Variants in OR1F1 observed in about 807,000 individuals in gnomAD.
OR1F1 encodes the protein olfactory receptor family 1 subfamily F member 1.
For missense variants in OR1F1, 493 were observed against 376.3 expected, an observed-to-expected ratio of 1.31 and a Z score of -2.57; for synonymous variants, 184 against 156.7, an observed-to-expected ratio of 1.17 and a Z score of -1.30.
At chr16:3,198,576 G>A in the OR1F1 span, among the ~76,000 whole-genome samples, 2 of 152,168 alleles carry the variant, frequency 1.3e-5, no homozygotes, top group African/African-American at 4.8e-5. Flanking sequence ...CCTGATGGTG[G>A]CAGCTGGCAG....
At chr16:3,194,705 A>G in the OR1F1 span, among the ~76,000 whole-genome samples, 1 of 152,196 alleles carries the variant, frequency 6.6e-6, no homozygotes, top group South Asian at 2.1e-4. Flanking sequence ...CAGGAACAGG[A>G]GAAAACAGAG....
At chr16:3,204,281 T>C (rs1414790759) in exon 1 of OR1F1, 2 of 1,612,384 alleles carry the variant, frequency 1.2e-6, no homozygotes, top group African/African-American at 2.7e-5. Context: ...GTCTCCGAGT[T>C]CCTCCTCCTG....
the OR1F1 span, among the ~76,000 whole-genome samples, chr16:3,194,997 G>A: frequency 6.6e-6 from 1 of 152,188 alleles, no homozygotes; most frequent in Admixed American, 6.5e-5. Context: ...AGGATTTGGG[G>A]TCCAGCAAGT....
the OR1F1 span, among the ~76,000 whole-genome samples, chr16:3,193,721 C>G: frequency 6.6e-6 from 1 of 152,128 alleles, no homozygotes; most frequent in African/African-American, 2.4e-5. Context: ...CCTCAGCCTC[C>G]CAAGTAGATG....
At chr16:3,204,736 G>A in exon 1 of OR1F1, 1 of 1,614,004 alleles carries the variant, frequency 6.2e-7, no homozygotes, top group Non-Finnish European at 8.5e-7. Flanking sequence ...CCTGCTGATG[G>A]CTCCACTCTC....
chr16:3,189,295 G>A, the OR1F1 span, among the ~76,000 whole-genome samples: 39 of 152,244 alleles, frequency 2.6e-4, 1 homozygote, highest in South Asian at 8.3e-4. Context: ...CAGCGCAGCC[G>A]CTGCCTGCTA....
chr16:3,193,347 C>T, the OR1F1 span, among the ~76,000 whole-genome samples: 2 of 152,354 alleles, frequency 1.3e-5, no homozygotes, highest in African/African-American at 2.4e-5. Flanking sequence ...AGCCCGAGAC[C>T]CTCCGTTGCT....
exon 1 of OR1F1, chr16:3,204,661 C>A (rs755748017): frequency 3.7e-6 from 6 of 1,614,098 alleles, no homozygotes; most frequent in African/African-American, 1.3e-5. Flanking sequence ...GATGACCCAT[C>A]AGCTCTGTGC....
chr16:3,206,476 C>A (rs965492970), downstream of OR1F1, among the ~76,000 whole-genome samples: 1 of 152,108 alleles, frequency 6.6e-6, no homozygotes, highest in African/African-American at 2.4e-5. Flanking sequence ...TTTTAAAGTC[C>A]TTAATAAAAA....
At chr16:3,197,557 A>C in the OR1F1 span, among the ~76,000 whole-genome samples, 2 of 111,628 alleles carry the variant, frequency 1.8e-5, no homozygotes, top group African/African-American at 7.2e-5. Flanking sequence ...GCAGTCCTAC[A>C]TCTGACTACA....
the OR1F1 span, among the ~76,000 whole-genome samples, chr16:3,194,005 G>T: frequency 1.1e-4 from 17 of 152,164 alleles, no homozygotes; most frequent in African/African-American, 4.1e-4. Context: ...AACACCGACC[G>T]TAGGTGACTT....
Position 3,204,957 on chromosome 16 carries a change from C to G in OR1F1, c.711C>G (p.Ala237=), listed in dbSNP as rs146142404. ...CATCCACAAAGGGAAGGTGGAAAGC[C>G]TTCTCCACCTGTGGTTCTCACCTGG... Residue 237 remains alanine, a synonymous_variant, in exon 1 of 1, where the codon GCC becomes GCG. Transcript: ENST00000304646. The G allele has an allele frequency of 1.8e-5, 29 of 1,613,970 alleles. No homozygotes were observed. The Middle Eastern group carries it at 3.5e-3, about 193-fold the overall frequency.
chr16:3,189,322 T>A, the OR1F1 span, among the ~76,000 whole-genome samples: 1 of 152,096 alleles, frequency 6.6e-6, no homozygotes, highest in Non-Finnish European at 1.5e-5. Context: ...GGTTCCCATG[T>A]CCTGCGGAAG....
At chr16:3,195,904 C>A in the OR1F1 span, among the ~76,000 whole-genome samples, 1 of 152,184 alleles carries the variant, frequency 6.6e-6, no homozygotes, top group Admixed American at 6.5e-5. Flanking sequence ...GTGGGATGTA[C>A]CCTCCCACCT....
At chr16:3,204,570 G>A in exon 1 of OR1F1, 1 of 1,614,096 alleles carries the variant, frequency 6.2e-7, no homozygotes, top group Non-Finnish European at 8.5e-7. Flanking sequence ...TCATGTTCGT[G>A]GACATGGACA....
At chr16:3,192,801 G>A in the OR1F1 span, among the ~76,000 whole-genome samples, 1 of 139,736 alleles carries the variant, frequency 7.2e-6, no homozygotes, top group South Asian at 2.1e-4. Context: ...GGTGCGGCCC[G>A]GGAGGCTGCT....
the OR1F1 span, among the ~76,000 whole-genome samples, chr16:3,194,733 A>C: frequency 6.2e-4 from 94 of 152,306 alleles, 4 homozygotes; most frequent in African/African-American, 2.2e-3. Context: ...TTGGAATTTA[A>C]GGGGGGCACT....
At chr16:3,201,862 C>T (rs1958139154), upstream of OR1F1, among the ~76,000 whole-genome samples, 1 of 152,158 alleles carries the variant, frequency 6.6e-6, no homozygotes, top group Admixed American at 6.5e-5. Context: ...ACGTTACTAC[C>T]CCTTCCCTAG....
chr16:3,206,419 C>A (rs930929683), downstream of OR1F1, among the ~76,000 whole-genome samples: 3 of 152,116 alleles, frequency 2.0e-5, no homozygotes, highest in South Asian at 4.1e-4. Context: ...TGCCCTTTGA[C>A]ACCTGTGATC....
Sources: gnomAD v4.1 joint callset for allele counts (sites outside exome capture counted in the v4.1 genomes callset) on GRCh38, gnomAD v4.1.1 for gene constraint, MANE v1.5 for transcripts, NCBI Gene and HGNC (gene_info 2026-07-23, HGNC 2026-07-21) for gene names.